KMT5B: variants seen among roughly 807,000 people sequenced by gnomAD.
KMT5B encodes the protein histone-lysine N-methyltransferase KMT5B.
Under a neutral mutation model 83.2 loss-of-function variants are expected in KMT5B, and 10 were observed. The ratio of observed to expected loss-of-function variants is 0.12; its 90% CI spans 0.07 to 0.20. The LOEUF is 0.20. Among genes scored for constraint, KMT5B ranks in the 10% least tolerant of loss-of-function variants. The probability of loss-of-function intolerance (pLI) is 1.00; values close to 1 mark genes in which losing one functional copy is unlikely to be tolerated. For synonymous variants in KMT5B, 349 were observed against 388.8 expected, an observed-to-expected ratio of 0.90 and a Z score of 1.20; for missense variants, 753 against 1,067.2, an observed-to-expected ratio of 0.71 and a Z score of 4.10.
In KMT5B at chr11:68,173,923, GA is replaced by G. The variant is rs3832715; in HGVS notation, c.544-11del. On this transcript the variant is annotated splice_polypyrimidine_tract_variant and intron_variant, in intron 5 of 10. Transcript: ENST00000304363. ...GCAAATAAATAAATACCTAAAACAG[GA>G]AAAAAAAATTGATAATGACTTTAAA... 48 of 1,460,562 alleles carry G rather than the reference GA, an allele frequency of 3.3e-5. No homozygotes were observed. The East Asian group carries it at 3.5e-4, about 11-fold the overall frequency. 90.5% of individuals were successfully genotyped at this position (1,460,562 alleles called of 1,614,324 possible).
In KMT5B at chr11:68,186,039, C is replaced by A. The variant is rs538921978; in HGVS notation, c.161-111G>T. On this transcript the variant is annotated intron_variant, in intron 2 of 10. Transcript: ENST00000304363. ...AGCTGGTAATAAAGAACTGAAAAAT[C>A]AATCATTTTAGTAATTAAGAATTTA... 3 of 971,020 alleles carry A rather than the reference C, an allele frequency of 3.1e-6. No individual in the cohort carries two copies. The East Asian group carries it at 7.7e-5, about 25-fold the overall frequency. The allele number at this position is 971,020 out of a possible 1,614,324, so 60.2% of individuals were successfully genotyped here. A position where few individuals can be genotyped will look rare whatever the true frequency, so the allele number is the denominator to read the frequency against.
chr11:68,208,858 CA>C (rs1239098460), intron 1 of KMT5B, among the ~76,000 whole-genome samples: 1 of 152,154 alleles, frequency 6.6e-6, no homozygotes, highest in African/African-American at 2.4e-5. Flanking sequence ...CAAAAACAAA[CA>C]AACAAAAAAT....
At chr11:68,172,918 G>C (rs866422491) in intron 6 of KMT5B, among the ~76,000 whole-genome samples, 1 of 152,154 alleles carries the variant, frequency 6.6e-6, no homozygotes, top group Non-Finnish European at 1.5e-5. Context: ...AATATCAGAG[G>C]GTGGGTACAT....
intron 1 of KMT5B, among the ~76,000 whole-genome samples, chr11:68,192,845 T>C (rs1262352361): frequency 6.6e-6 from 1 of 152,256 alleles, no homozygotes; most frequent in Non-Finnish European, 1.5e-5. Context: ...AGTGCCCATC[T>C]GGAAATGTCT....
In KMT5B at chr11:68,159,043, A is replaced by G. The variant is rs1449830180; in HGVS notation, c.1303T>C (p.Ser435Pro). The G allele has an allele frequency of 1.2e-6, 2 of 1,612,768 alleles. No individual in the cohort carries two copies. The highest frequency in any genetic ancestry group is 1.7e-6 in the Non-Finnish European group (2 of 1,179,770). ...TTCTTCAGTTTCTTTGGTACCCTGGAATTATTTATATGAGTTAGCTTAGAT... is the reference window on the plus strand; with the variant it reads ...TTCTTCAGTTTCTTTGGTACCCTGGGATTATTTATATGAGTTAGCTTAGAT... ...TSSKLTHINNSRVPKKLKKPA... is the reference protein window; with the variant it reads ...TSSKLTHINNPRVPKKLKKPA... The change falls in exon 11 of 11, where the codon TCC (serine) becomes CCC (proline). Residue 435 changes from serine to proline, a missense_variant. Around this residue, in one of 9 missense-constraint regions of KMT5B, gnomAD observed 397 missense variants for 395.9 expected, o/e 1.00. Transcript: ENST00000304363.
At chr11:68,174,430 A>C (rs1856151098) in intron 5 of KMT5B, among the ~76,000 whole-genome samples, 1 of 152,130 alleles carries the variant, frequency 6.6e-6, no homozygotes, top group Non-Finnish European at 1.5e-5. Context: ...GGAGCATTTC[A>C]AATTTTGGGG....
chr11:68,170,028 A>C (rs1191730860), intron 9 of KMT5B, among the ~76,000 whole-genome samples: 2 of 152,202 alleles, frequency 1.3e-5, no homozygotes, highest in African/African-American at 4.8e-5. Flanking sequence ...GTCCTCTCTC[A>C]CCACACAGTT....
rs192539899 is a variant in KMT5B at position 68,173,102 on chromosome 11, G to A, written c.653+702C>T. Among the ~76,000 whole-genome samples, 298 of 152,180 alleles carry A rather than the reference G, an allele frequency of 2.0e-3. 1 individual carries two copies. The highest frequency in any genetic ancestry group is 6.2e-3 in the African/African-American group (256 of 41,534). On this transcript the variant is annotated intron_variant, in intron 6 of 10. Coordinates refer to ENST00000304363, the MANE Select transcript of KMT5B (RefSeq NM_017635.5). ...ATTGCCCAGGCTGGAGTGCAGTGGC[G>A]CGATCTCAGCTCACTATAGCCTCTG...
intron 1 of KMT5B, among the ~76,000 whole-genome samples, chr11:68,209,932 T>C (rs1230321619): frequency 1.3e-5 from 2 of 151,526 alleles, no homozygotes; most frequent in Admixed American, 6.6e-5. Flanking sequence ...AGTGGAGCCA[T>C]CTCTGCTCAC....
intron 10 of KMT5B, among the ~76,000 whole-genome samples, chr11:68,164,913 G>A (rs557083355): frequency 6.6e-6 from 1 of 152,322 alleles, no homozygotes; most frequent in East Asian, 1.9e-4. Context: ...ATCTTTGTAT[G>A]TCTTCAAGAA....
intron 1 of KMT5B, among the ~76,000 whole-genome samples, chr11:68,196,808 C>G (rs1858772653): frequency 6.6e-6 from 1 of 152,100 alleles, no homozygotes; most frequent in Non-Finnish European, 1.5e-5. Flanking sequence ...AGGAAATCAT[C>G]TGTAGAATGC....
chr11:68,196,535 C>T (rs182233647), intron 1 of KMT5B, among the ~76,000 whole-genome samples: 22 of 150,246 alleles, frequency 1.5e-4, no homozygotes, highest in Admixed American at 1.3e-3. Context: ...TAAACTGCAT[C>T]ATAGAAACTA....
At chr11:68,213,456 C>T (rs1263823855), upstream of KMT5B, 3 of 147,696 alleles carry the variant, frequency 2.0e-5, no homozygotes, top group Non-Finnish European at 4.5e-5. Flanking sequence ...CGCCCCCGCG[C>T]CCCGCCACCC....
chr11:68,172,606 T>C (rs992259244), intron 6 of KMT5B, among the ~76,000 whole-genome samples: 1 of 152,142 alleles, frequency 6.6e-6, no homozygotes, highest in African/African-American at 2.4e-5. Flanking sequence ...GGGAATAAAA[T>C]TTAATATGAA....
intron 4 of KMT5B, chr11:68,179,793 G>A: frequency 2.3e-6 from 1 of 442,552 alleles, no homozygotes; most frequent in South Asian, 2.8e-5. Flanking sequence ...TAGACGCTGA[G>A]TGAGGAGTCG....
chr11:68,185,882 G>A lies in KMT5B; in HGVS notation c.207C>T (p.Ser69=), dbSNP rs1156412621. The A allele has an allele frequency of 1.9e-6, 3 of 1,614,116 alleles. No individual in the cohort carries two copies. The highest frequency in any genetic ancestry group is 1.1e-5 in the South Asian group (1 of 91,076). ...AGAGTTCCTTGGCGGACATTCCAGA[G>A]GATGGTACATAGCGACTCTGTCCTT... ...GFEGQSRYVP[S]SGMSAKELCE... is the part of the protein sequence containing the mutation. The change falls in exon 3 of 11, where the codon TCC becomes TCT. Residue 69 remains serine (S), a synonymous_variant. Coordinates refer to ENST00000304363, the MANE Select transcript of KMT5B (RefSeq NM_017635.5).
At chr11:68,160,810 G>A (rs1381165353) in intron 10 of KMT5B, among the ~76,000 whole-genome samples, 2 of 152,152 alleles carry the variant, frequency 1.3e-5, no homozygotes, top group East Asian at 3.9e-4. Flanking sequence ...AGTCGGGCAC[G>A]GTGGTACGTG....
At chr11:68,195,839 G>T (rs1858634217) in intron 1 of KMT5B, among the ~76,000 whole-genome samples, 1 of 152,158 alleles carries the variant, frequency 6.6e-6, no homozygotes, top group Admixed American at 6.6e-5. Flanking sequence ...ATGTGTAAAT[G>T]TGTGTATACT....
intron 1 of KMT5B, among the ~76,000 whole-genome samples, chr11:68,204,611 GTTTTTTTTT>G (rs34315868): frequency 9.4e-6 from 1 of 106,150 alleles, no homozygotes; most frequent in African/African-American, 3.5e-5. Flanking sequence ...TAAATTTCCG[GTTTTTTTTT>G]TTTTTTTTTT....
Sources: gnomAD v4.1 joint callset for allele counts (sites outside exome capture counted in the v4.1 genomes callset) on GRCh38, gnomAD v4.1.1 for gene constraint, gnomAD v4.1.1 regional missense constraint, MANE v1.5 for transcripts, NCBI Gene and HGNC (gene_info 2026-07-23, HGNC 2026-07-21) for gene names.